The following NLRC3 variants were observed in gnomAD, a reference collection of about 807,000 sequenced individuals.
NLRC3 encodes NLR family CARD domain containing 3.
A neutral mutation model predicts 91.6 loss-of-function variants in NLRC3; 87 were observed. The observed-to-expected ratio is 0.95, with a 90% CI of 0.80 to 1.14. The LOEUF (loss-of-function observed/expected upper bound fraction) is 1.14, where lower values mean the gene tolerates loss of function less well. NLRC3 is among the 50% of genes most tolerant of loss of function. NLRC3 has a pLI of 0.00. For missense variants in NLRC3, 1,577 were observed against 1,418.6 expected (o/e 1.11, Z -1.79); for synonymous variants, 694 against 625.3 (o/e 1.11, Z -1.64).
chr16:3,543,633 C>G (rs1322053032), intron 16 of NLRC3, 125 bp from the exon 17 acceptor site: 3 of 692,574 alleles, frequency 4.3e-6, no homozygotes, highest in Non-Finnish European at 7.7e-6. Flanking sequence ...GAATGGTTGG[C>G]CAGCGCTGTG....
At chr16:3,576,957 A>T (rs534041613) in intron 1 of NLRC3, among the ~76,000 whole-genome samples, 192 bp downstream of exon 1, 1 of 152,304 alleles carries the variant, frequency 6.6e-6, no homozygotes, top group South Asian at 2.1e-4. Flanking sequence ...GGCGTGAGCC[A>T]CCGTGCCTGG....
chr16:3,544,175 A>AG, intron 16 of NLRC3, 71 bp downstream of exon 16: 2 of 931,558 alleles, frequency 2.1e-6, no homozygotes, highest in Non-Finnish European at 3.4e-6. Flanking sequence ...AAAAAAAAAA[A>AG]AAAAGACCTC....
chr16:3,577,101 C>T, intron 1 of NLRC3, 48 bp downstream of exon 1: 2 of 703,126 alleles, frequency 2.8e-6, no homozygotes, highest in South Asian at 3.0e-5. Flanking sequence ...TGCCAGCATC[C>T]CTTCTCCCTC....
At position 3,549,228 on chromosome 16, in the gene NLRC3, GA is replaced by G. The variant is rs754876445; in HGVS notation, c.2520-4del. On this transcript the variant is annotated splice_region_variant and splice_polypyrimidine_tract_variant and intron_variant, in intron 12 of 19. Transcript: ENST00000359128. ...GACTGATGGAGTTTTCTCGAAGGCTGAAAAAAAAGGAAAGACCTGAGCTTCT... is the reference window on the plus strand; with the variant it reads ...GACTGATGGAGTTTTCTCGAAGGCTGAAAAAAAGGAAAGACCTGAGCTTCT... 2.6e-5 allele frequency: 41 copies of G among 1,565,818 alleles called. No individual in the cohort carries two copies. The East Asian group carries it at 3.0e-4, about 12-fold the overall frequency.
chr16:3,556,433 C>CCCTGGAA (rs955730399), intron 8 of NLRC3, among the ~76,000 whole-genome samples: 1 of 150,420 alleles, frequency 6.6e-6, no homozygotes, highest in African/African-American at 2.4e-5. Context: ...AAGAGCTGGA[C>CCCTGGAA]CCTGGAAACT....
intron 7 of NLRC3, 138 bp from the exon 8 acceptor site, chr16:3,557,132 C>T (rs2039379558): frequency 3.1e-6 from 2 of 641,952 alleles, no homozygotes; most frequent in Admixed American, 2.7e-5. Context: ...TTGGTGGAAC[C>T]AGGGCAGAGA....
Position 3,544,252 on chromosome 16 carries a change from G to A in NLRC3, c.2849C>T (p.Ala950Val), listed in dbSNP as rs2038565717. Reference protein sequence around the residue: ...RALKVNTALTALYLQVASIGA... With the variant: ...RALKVNTALTVLYLQVASIGA... ...GCGCACATCTAGGACTTACTAGAGA[G>A]CAGTGAGGGCTGTGTTGACCTTCAG... The change falls in exon 16 of 20, where the codon GCT becomes GTT. Residue 950 changes from alanine (A) to valine (V), a missense_variant. Transcript: ENST00000359128. The A allele has an allele frequency of 3.1e-6, 5 of 1,599,394 alleles. No homozygotes were observed. Among genetic ancestry groups the A allele is most frequent in the Non-Finnish European group, 3.4e-6 (4 of 1,166,700 alleles).
intron 1 of NLRC3, among the ~76,000 whole-genome samples, chr16:3,575,661 T>G (rs1356311904): frequency 6.6e-6 from 1 of 152,172 alleles, no homozygotes; most frequent in East Asian, 1.9e-4. Context: ...CAAGCCCAGT[T>G]CCTCAGGCTC....
chr16:3,552,645 A>C (rs2039076123), intron 9 of NLRC3, among the ~76,000 whole-genome samples: 1 of 152,126 alleles, frequency 6.6e-6, no homozygotes. Flanking sequence ...TCCAACCCTA[A>C]GAAACCTCCC....
In NLRC3 at chr16:3,557,638, G is replaced by A; in HGVS notation, c.2054C>T (p.Ala685Val). The change falls in exon 7 of 20, where the codon GCT becomes GTT. Residue 685 changes from alanine to valine, a missense_variant. Physicochemically the swap from Ala to Val is moderately conservative, Grantham distance 64. Coordinates refer to ENST00000359128, the MANE Select transcript of NLRC3 (RefSeq NM_178844.4). Reference protein sequence around the residue: ...ENQISNKGAKALARSLLVNRS... With the variant: ...ENQISNKGAKVLARSLLVNRS... Reference sequence around the variant, plus strand: ...GTTGACCAAGAGGGATCTGGCCAGAGCTTTGGCCCCTTTGTTACTGATCTG... The same window carrying A: ...GTTGACCAAGAGGGATCTGGCCAGAACTTTGGCCCCTTTGTTACTGATCTG... 6.2e-7 allele frequency: 1 copy of A among 1,613,756 alleles called. No individual in the cohort carries two copies. The highest frequency in any genetic ancestry group is 8.5e-7 in the Non-Finnish European group (1 of 1,179,728).
chr16:3,560,430 A>C (rs535905957), intron 6 of NLRC3, among the ~76,000 whole-genome samples: 4 of 152,052 alleles, frequency 2.6e-5, no homozygotes, highest in East Asian at 3.9e-4. Context: ...CTCAAAACAA[A>C]AAAAAAAACA....
rs747894695 is a variant in NLRC3 at position 3,563,175 on chromosome 16, C to T, written c.1762G>A (p.Glu588Lys). Reference protein sequence around the residue: ...ELARSVEEAMESGALARLTGP... With the variant: ...ELARSVEEAMKSGALARLTGP... ...GTCAGCCTGGCCAGGGCCCCGCTCT[C>T]CATGGCCTCCTCCACGCTGCGGGCC... The change falls in exon 5 of 20, where the codon GAG becomes AAG. Residue 588 changes from glutamate to lysine, a missense_variant. Physicochemically the swap from Glu to Lys is moderately conservative, Grantham distance 56. Coordinates refer to ENST00000359128, the MANE Select transcript of NLRC3 (RefSeq NM_178844.4). 16 of 1,593,054 alleles carry T rather than the reference C, an allele frequency of 1.0e-5. No homozygotes were observed. Among genetic ancestry groups the T allele is most frequent in the Non-Finnish European group, 1.3e-5 (15 of 1,172,230 alleles).
intron 10 of NLRC3, 27 bp from the exon 11 acceptor site, chr16:3,550,524 C>G (rs765756818): frequency 1.7e-5 from 27 of 1,552,138 alleles, no homozygotes; most frequent in Non-Finnish European, 2.4e-5. Context: ...ATGGATGAGC[C>G]AGCCTCTGGG....
rs114182789 is a variant in NLRC3 at position 3,573,408 on chromosome 16, T to C, written c.-169+3741A>G. Reference sequence around the variant, plus strand: ...CACTACTCCACTCCAGCCTGAGTGATAGAGCAAGACCCTGTCTCACACACA... The same window carrying C: ...CACTACTCCACTCCAGCCTGAGTGACAGAGCAAGACCCTGTCTCACACACA... On this transcript the variant is annotated intron_variant, in intron 1 of 19. Transcript: ENST00000359128. 4.4e-3 allele frequency among the ~76,000 whole-genome samples: 675 copies of C among 152,252 alleles called. 6 individuals are homozygous for C. Among genetic ancestry groups the C allele is most frequent in the African/African-American group, 0.015 (640 of 41,554 alleles).
At position 3,564,148 on chromosome 16, in the gene NLRC3, G is replaced by C. The variant is rs755054537; in HGVS notation, c.789C>G (p.Ile263Met). ...IRGNLFPEVSIWITSRPSASG... is the reference protein window; with the variant it reads ...IRGNLFPEVSMWITSRPSASG... ...ATGCACTGGGACGGGAGGTGATCCA[G>C]ATGGAAACTTCCGGAAAGAGGTTGC... Residue 263 changes from isoleucine (I) to methionine (M), a missense_variant, in exon 5 of 20, where the codon ATC becomes ATG. By Grantham distance (10) the Ile-to-Met change is conservative (BLOSUM62 1). Coordinates refer to ENST00000359128, the MANE Select transcript of NLRC3 (RefSeq NM_178844.4). The surrounding 1 kb of genome is among the most constrained non-coding windows in gnomAD (Gnocchi z 5.9). 1 of 1,613,710 alleles carries C rather than the reference G, an allele frequency of 6.2e-7. No homozygotes were observed. The highest frequency in any genetic ancestry group is 1.1e-5 in the South Asian group (1 of 91,088).
rs571314234 is a variant in NLRC3, at chr16:3,576,461, T to TG, written c.-169+687dup. Among the ~76,000 whole-genome samples, 18 of 152,190 alleles carry TG rather than the reference T, an allele frequency of 1.2e-4. No homozygotes were observed. The East Asian group carries it at 2.1e-3, about 18-fold the overall frequency. ...TGAGGCCCAGAGAAGTAGCCTCCCA[T>TG]GGGGGGTCCCAGTGCCAGGAAGGGT... On this transcript the variant is annotated intron_variant, in intron 1 of 19. Coordinates refer to ENST00000359128, the MANE Select transcript of NLRC3 (RefSeq NM_178844.4).
chr16:3,547,141 A>G (rs2038732309), intron 15 of NLRC3, among the ~76,000 whole-genome samples: 1 of 152,176 alleles, frequency 6.6e-6, no homozygotes. Context: ...AGTAGGAACA[A>G]CCCAACGTCC....
At chr16:3,577,031 G>A (rs1446110489) in intron 1 of NLRC3, 118 bp downstream of exon 1, 10 of 691,002 alleles carry the variant, frequency 1.4e-5, no homozygotes, top group Admixed American at 2.1e-5. Context: ...TTGGAGTCTC[G>A]TGGAGTCTCC....
In NLRC3 at chr16:3,564,879, G is replaced by A. The variant is rs201578185; in HGVS notation, c.158C>T (p.Pro53Leu). ...CCTACCATTGCTGCAGGGCCCCAGC[G>A]GGGCATCCGGTGTCCTATCCAGGGC... ...PQALDRTPDA[P>L]LGPCSNDSRI... The change falls in exon 4 of 20, where the codon CCG becomes CTG. Residue 53 changes from proline to leucine, a missense_variant. By Grantham distance (98) the Pro-to-Leu change is moderately conservative (BLOSUM62 -3). Coordinates refer to ENST00000359128, the MANE Select transcript of NLRC3 (RefSeq NM_178844.4). This position sits in a 1 kb window ranked among gnomAD's most constrained non-coding sequence, Gnocchi z 5.9. 1.7e-4 allele frequency: 277 copies of A among 1,607,452 alleles called. No individual in the cohort carries two copies. Among genetic ancestry groups the A allele is most frequent in the Middle Eastern group, 1.7e-4 (1 of 6,046 alleles).
Sources: gnomAD v4.1 joint callset for allele counts (sites outside exome capture counted in the v4.1 genomes callset) on GRCh38, gnomAD v4.1.1 for gene constraint, Gnocchi (gnomAD v3.1) non-coding constraint, MANE v1.5 for transcripts, NCBI Gene and HGNC (gene_info 2026-07-23, HGNC 2026-07-21) for gene names.